Variants in TRMT11 observed in about 807,000 individuals in gnomAD.
TRMT11 encodes the protein tRNA (guanine(10)-N(2))-methyltransferase TRMT11.
Under a neutral mutation model 62.8 loss-of-function variants are expected in TRMT11, and 53 were observed. The ratio of observed to expected loss-of-function variants is 0.84; its 90% CI spans 0.68 to 1.06. TRMT11 has a LOEUF of 1.06. Ranked by LOEUF, TRMT11 falls within the 50% of genes least tolerant of loss-of-function variation. TRMT11 has a pLI of 0.00. For synonymous variants in TRMT11, 188 were observed against 190.3 expected (o/e 0.99, Z 0.10); for missense variants, 556 against 553.4 (o/e 1.00, Z -0.05).
chr6:126,160,346 T>C (rs1211345306), intron 21 of TRMT11, among the ~76,000 whole-genome samples: 1 of 152,212 alleles, frequency 6.6e-6, no homozygotes, highest in Non-Finnish European at 1.5e-5. Context: ...TTCACACTTT[T>C]TTCCTCACCC....
chr6:126,180,375 C>A (rs1375676647), intron 1 of TRMT11, among the ~76,000 whole-genome samples: 1 of 152,138 alleles, frequency 6.6e-6, no homozygotes, highest in Non-Finnish European at 1.5e-5. Context: ...GCCAAGTGAA[C>A]CTAGTATCAC....
intron 17 of TRMT11, among the ~76,000 whole-genome samples, chr6:126,107,977 T>G (rs1777483359): frequency 1.3e-5 from 2 of 152,188 alleles, no homozygotes; most frequent in South Asian, 2.1e-4. Context: ...TATATCTGCT[T>G]AGTCTCTGAT....
At chr6:126,092,968 T>C (rs920006622) in intron 17 of TRMT11, among the ~76,000 whole-genome samples, 1 of 152,224 alleles carries the variant, frequency 6.6e-6, no homozygotes, top group African/African-American at 2.4e-5. Context: ...TTCAATCTAC[T>C]CTGGATCCCT....
intron 17 of TRMT11, among the ~76,000 whole-genome samples, chr6:126,076,580 G>T (rs1777030232): frequency 6.6e-6 from 1 of 152,092 alleles, no homozygotes; most frequent in Non-Finnish European, 1.5e-5. Context: ...TGAGCTAGTG[G>T]TTTTCACTCC....
chr6:126,244,017 A>T, the TRMT11 span, among the ~76,000 whole-genome samples: 2 of 152,180 alleles, frequency 1.3e-5, no homozygotes, highest in Non-Finnish European at 2.9e-5. Context: ...TTTCTACGTG[A>T]GTTTCTGCTA....
chr6:126,145,575 C>T (rs534572415), intron 21 of TRMT11, among the ~76,000 whole-genome samples: 103 of 152,146 alleles, frequency 6.8e-4, no homozygotes, highest in Non-Finnish European at 1.3e-3. Context: ...CATTTTGTTC[C>T]CAGAAGGCAC....
chr6:126,239,616 C>T, the TRMT11 span, among the ~76,000 whole-genome samples: 2 of 152,180 alleles, frequency 1.3e-5, no homozygotes, highest in African/African-American at 4.8e-5. Context: ...GGCAACCTGA[C>T]CTTTCTCTCT....
intron 17 of TRMT11, among the ~76,000 whole-genome samples, chr6:126,061,540 ATTTTTTT>A (rs5879799): frequency 7.4e-6 from 1 of 135,424 alleles, no homozygotes; most frequent in African/African-American, 2.8e-5. Context: ...GGATCAGTCA[ATTTTTTT>A]TTTTTTTTTT....
At chr6:126,176,995 C>A (rs1180911794), upstream of TRMT11, among the ~76,000 whole-genome samples, 1 of 150,284 alleles carries the variant, frequency 6.7e-6, no homozygotes, top group Non-Finnish European at 1.5e-5. Flanking sequence ...TAGACTTCAA[C>A]AGATGTTTTT....
chr6:126,034,733 G>C (rs1348227665), intron 12 of TRMT11, among the ~76,000 whole-genome samples: 1 of 152,078 alleles, frequency 6.6e-6, no homozygotes, highest in East Asian at 1.9e-4. Context: ...ACAATGAATA[G>C]TGGTAGACAG....
chr6:126,165,865 C>A (rs1005606865), intron 21 of TRMT11, among the ~76,000 whole-genome samples: 4 of 152,134 alleles, frequency 2.6e-5, no homozygotes, highest in Non-Finnish European at 5.9e-5. Flanking sequence ...TGGATAATAT[C>A]CTGAAGTGTG....
At chr6:126,238,943 T>C in the TRMT11 span, among the ~76,000 whole-genome samples, 1 of 152,316 alleles carries the variant, frequency 6.6e-6, no homozygotes, top group African/African-American at 2.4e-5. Flanking sequence ...CTTGTTGAAT[T>C]GATCCCTTTA....
rs539470164 is a variant in TRMT11 at position 126,164,670 on chromosome 6, C to G, written c.*1824-10155C>G. Among the ~76,000 whole-genome samples the G allele has an allele frequency of 2.0e-5, 3 of 152,278 alleles. No homozygotes were observed. The East Asian group carries it at 5.8e-4, about 29-fold the overall frequency. On this transcript the variant is annotated intron_variant and NMD_transcript_variant, in intron 21 of 22. Transcript: ENST00000648977. Reference sequence around the variant, plus strand: ...AATCTGGGTGCTTCTGTATTGGGTGCATATATATTTAGGATAGTTAGTTCT... The same window carrying G: ...AATCTGGGTGCTTCTGTATTGGGTGGATATATATTTAGGATAGTTAGTTCT...
intron 17 of TRMT11, among the ~76,000 whole-genome samples, chr6:126,102,124 T>G (rs1777408363): frequency 1.3e-5 from 2 of 152,198 alleles, no homozygotes; most frequent in African/African-American, 4.8e-5. Flanking sequence ...TACAAATGAA[T>G]GGGACCTCCT....
intron 21 of TRMT11, among the ~76,000 whole-genome samples, chr6:126,162,097 G>A (rs1038902317): frequency 2.0e-5 from 3 of 152,114 alleles, no homozygotes; most frequent in African/African-American, 7.2e-5. Context: ...GGCTTTTGTT[G>A]CCGTTGCTTT....
intron 9 of TRMT11, among the ~76,000 whole-genome samples, chr6:126,011,926 G>A (rs1794271487): frequency 6.6e-6 from 1 of 152,144 alleles, no homozygotes; most frequent in Admixed American, 6.5e-5. Context: ...CACTGGGCCT[G>A]TGAACCTACT....
intron 16 of TRMT11, among the ~76,000 whole-genome samples, chr6:126,046,220 G>A (rs1307059728): frequency 6.6e-6 from 1 of 152,032 alleles, no homozygotes; most frequent in Non-Finnish European, 1.5e-5. Context: ...CAATTAAGAT[G>A]AACTCCTAAA....
At position 126,121,543 on chromosome 6, in the gene TRMT11, G is replaced by A. The variant is rs188143416; in HGVS notation, c.*1823+5688G>A. ...AAGCTAATCTTGACAATTATTGGCA[G>A]TGAAATTTTGGGTTAATGTTCTATC... On this transcript the variant is annotated intron_variant and NMD_transcript_variant, in intron 21 of 22. Coordinates refer to the TRMT11 transcript ENST00000648977. 1.8e-3 allele frequency among the ~76,000 whole-genome samples: 275 copies of A among 152,202 alleles called. 2 individuals carry two copies. Among genetic ancestry groups the A allele is most frequent in the African/African-American group, 6.3e-3 (263 of 41,548 alleles).
the TRMT11 span, among the ~76,000 whole-genome samples, chr6:126,259,745 G>A: frequency 1.2e-4 from 19 of 152,152 alleles, no homozygotes; most frequent in Admixed American, 3.3e-4. Context: ...ATATATATGG[G>A]TGCTCCAGTT....
Sources: allele counts gnomAD v4.1 joint callset (sites outside exome capture counted in the v4.1 genomes callset), GRCh38; gene constraint gnomAD v4.1.1; transcripts MANE v1.5; gene names NCBI Gene and HGNC (gene_info 2026-07-23, HGNC 2026-07-21).